The following DUSP5 variants were observed in gnomAD, a reference collection of about 807,000 sequenced individuals.
The protein encoded by DUSP5 is dual specificity phosphatase 5, also known as dual specificity protein phosphatase 5.
Under a neutral mutation model 33.6 loss-of-function variants are expected in DUSP5, and 22 were observed. The observed-to-expected ratio is 0.66, with a 90% confidence interval of 0.47 to 0.94. The LOEUF (loss-of-function observed/expected upper bound fraction) is 0.94, where lower values mean the gene tolerates loss of function less well. DUSP5 is among the 40% of genes least tolerant of loss of function. DUSP5 has a pLI of 0.00. For synonymous variants in DUSP5, 270 were observed against 231.1 expected (o/e 1.17, Z -1.53); for missense variants, 551 against 522.1 (o/e 1.06, Z -0.54).
At chr10:110,505,437 C>G (rs1428013739) in intron 2 of DUSP5, among the ~76,000 whole-genome samples, 2 of 152,200 alleles carry the variant, frequency 1.3e-5, no homozygotes, top group African/African-American at 4.8e-5. Context: ...TTGTTATTAC[C>G]GTATGTAAAA....
rs867741891 is a variant in DUSP5, at chr10:110,498,261, T to C, written c.140T>C (p.Leu47Pro). ...GTGCGCGGCTCGCTCAACGTCAACC[T>C]CAACTCGGTGGTGCTGCGGCGGGCC... is the stretch of plus-strand genomic sequence containing the variant. ...SNVRGSLNVN[L>P]NSVVLRRARG... The change falls in exon 1 of 4, where the codon CTC becomes CCC. Residue 47 changes from leucine (L) to proline (P), a missense_variant. This residue lies in a region of DUSP5 where 381 missense variants were observed against 310.4 expected (regional missense o/e 1.23). Coordinates refer to ENST00000369583, the MANE Select transcript of DUSP5 (RefSeq NM_004419.4). The C allele has an allele frequency of 1.0e-5, 15 of 1,496,602 alleles. No homozygotes were observed. Among genetic ancestry groups the C allele is most frequent in the Non-Finnish European group, 1.3e-5 (15 of 1,120,848 alleles). The allele number at this position is 1,496,602 out of a possible 1,614,324, so 92.7% of individuals were successfully genotyped here.
At position 110,498,374 on chromosome 10, in the gene DUSP5, G is replaced by C; in HGVS notation, c.253G>C (p.Ala85Pro). Reference protein sequence around the residue: ...LLQEGGGGVAAVVVLDQGSRH... With the variant: ...LLQEGGGGVAPVVVLDQGSRH... Reference sequence around the variant, plus strand: ...GCAGGAGGGCGGCGGCGGCGTCGCGGCCGTGGTGGTGCTGGACCAGGGCAG... The same window carrying C: ...GCAGGAGGGCGGCGGCGGCGTCGCGCCCGTGGTGGTGCTGGACCAGGGCAG... Residue 85 changes from alanine to proline, a missense_variant, in exon 1 of 4, where the codon GCC becomes CCC. Transcript: ENST00000369583. 2 of 1,430,374 alleles carry C rather than the reference G, an allele frequency of 1.4e-6. No homozygotes were observed. The highest frequency in any genetic ancestry group is 1.8e-6 in the Non-Finnish European group (2 of 1,091,920). 88.6% of individuals were successfully genotyped at this position (1,430,374 alleles called of 1,614,324 possible). A position where few individuals can be genotyped will look rare whatever the true frequency, so the allele number is the denominator to read the frequency against.
Position 110,498,238 on chromosome 10 carries a change from G to T in DUSP5, c.117G>T (p.Val39=). 2.0e-6 allele frequency: 3 copies of T among 1,507,244 alleles called. No homozygotes were observed. The highest frequency in any genetic ancestry group is 2.7e-6 in the Non-Finnish European group (3 of 1,126,762). The allele number at this position is 1,507,244 out of a possible 1,614,324, so 93.4% of individuals were successfully genotyped here. Residue 39 remains valine, a synonymous_variant, in exon 1 of 4, where the codon GTG becomes GTT. Transcript: ENST00000369583. ...RPYLAFAASN[V]RGSLNVNLNS... is the part of the protein sequence containing the mutation. Reference sequence around the variant, plus strand: ...ATCTGGCCTTCGCTGCCTCGAACGTGCGCGGCTCGCTCAACGTCAACCTCA... The same window carrying T: ...ATCTGGCCTTCGCTGCCTCGAACGTTCGCGGCTCGCTCAACGTCAACCTCA...
chr10:110,508,171 C>G (rs971019575), intron 3 of DUSP5, among the ~76,000 whole-genome samples: 3 of 152,138 alleles, frequency 2.0e-5, no homozygotes, highest in Non-Finnish European at 4.4e-5. Flanking sequence ...GAAACCCTGA[C>G]GAGAAACTCA....
In DUSP5 at chr10:110,510,311, C is replaced by T. The variant is rs765477721; in HGVS notation, c.1040C>T (p.Pro347Leu). 1 of 1,614,226 alleles carries T rather than the reference C, an allele frequency of 6.2e-7. No homozygotes were observed. ...ATAGGCCATTTGCAGACACTGAGCC[C>T]TGACATGCAGGGTGCCTACTGCACA... Reference protein sequence around the residue: ...SLIGHLQTLSPDMQGAYCTFP... With the variant: ...SLIGHLQTLSLDMQGAYCTFP... Residue 347 changes from proline to leucine, a missense_variant, in exon 4 of 4, where the codon CCT becomes CTT. Coordinates refer to ENST00000369583, the MANE Select transcript of DUSP5 (RefSeq NM_004419.4).
Position 110,502,856 on chromosome 10 carries a change from C to T in DUSP5, c.515C>T (p.Pro172Leu), listed in dbSNP as rs368671815. ...GKPVVNVSYRPAYDQGGPVEI... is the reference protein window; with the variant it reads ...GKPVVNVSYRLAYDQGGPVEI... ...CCAGTGGTAAATGTCAGCTACAGGC[C>T]AGCTTATGACCAGGTACGTGATGTG... Residue 172 changes from proline to leucine, a missense_variant, in exon 2 of 4, where the codon CCA becomes CTA. Pro to Leu is a moderately conservative substitution (Grantham distance 98). Around this residue, in one of 3 missense-constraint regions of DUSP5, gnomAD observed 381 missense variants for 310.4 expected, o/e 1.23. Coordinates refer to ENST00000369583, the MANE Select transcript of DUSP5 (RefSeq NM_004419.4). 6.2e-7 allele frequency: 1 copy of T among 1,614,010 alleles called. No individual in the cohort carries two copies. Among genetic ancestry groups the T allele is most frequent in the Non-Finnish European group, 8.5e-7 (1 of 1,180,030 alleles).
intron 3 of DUSP5, among the ~76,000 whole-genome samples, 200 bp from the exon 4 acceptor site, chr10:110,509,820 G>A (rs984469121): frequency 1.1e-4 from 17 of 152,184 alleles, no homozygotes; most frequent in African/African-American, 3.4e-4. Context: ...CCTACTTGGG[G>A]ATAGTCTTTG....
At chr10:110,498,771 T>C (rs1011318354) in intron 1 of DUSP5, among the ~76,000 whole-genome samples, 6 of 152,018 alleles carry the variant, frequency 3.9e-5, no homozygotes, top group Admixed American at 6.5e-5. Flanking sequence ...TGCTGCTGTT[T>C]AGCAGTTTGG....
chr10:110,506,355 G>C (rs1353614421), intron 2 of DUSP5, among the ~76,000 whole-genome samples: 1 of 152,256 alleles, frequency 6.6e-6, no homozygotes, highest in East Asian at 1.9e-4. Flanking sequence ...TCTCTTCAGC[G>C]TAGGAATTCA....
In DUSP5 at chr10:110,506,987, C is replaced by T; in HGVS notation, c.581C>T (p.Ala194Val). ...CTCTACCTTGGAAGTGCCTACCATG[C>T]ATCCAAGTGCGAGTTCCTCGCCAAC... is the stretch of plus-strand genomic sequence containing the variant. ...PFLYLGSAYHASKCEFLANLH... is the reference protein window; with the variant it reads ...PFLYLGSAYHVSKCEFLANLH... Residue 194 changes from alanine (A) to valine (V), a missense_variant, in exon 3 of 4, where the codon GCA (alanine) becomes GTA (valine). Physicochemically the swap from Ala to Val is moderately conservative, Grantham distance 64 (BLOSUM62 0). Transcript: ENST00000369583. 1 of 1,614,278 alleles carries T rather than the reference C, an allele frequency of 6.2e-7. No homozygotes were observed. The highest frequency in any genetic ancestry group is 8.5e-7 in the Non-Finnish European group (1 of 1,180,050).
chr10:110,500,202 T>C (rs531165458), intron 1 of DUSP5, among the ~76,000 whole-genome samples: 2 of 152,328 alleles, frequency 1.3e-5, no homozygotes, highest in South Asian at 4.1e-4. Context: ...CTCTTGTATC[T>C]ATCTAGATCT....
intron 2 of DUSP5, among the ~76,000 whole-genome samples, chr10:110,506,324 C>T (rs188716957): frequency 8.0e-4 from 122 of 152,158 alleles, no homozygotes; most frequent in African/African-American, 2.8e-3. Flanking sequence ...CCCAGCTACT[C>T]GGGAGACTGA....
chr10:110,510,616 G>A lies in DUSP5; in HGVS notation c.*190G>A. 2.6e-6 allele frequency: 2 copies of A among 762,030 alleles called. No homozygotes were observed. Among genetic ancestry groups the A allele is most frequent in the South Asian group, 2.1e-5 (1 of 48,470 alleles). The allele number at this position is 762,030 out of a possible 1,614,324, so 47.2% of individuals were successfully genotyped here. On this transcript the variant is annotated 3_prime_UTR_variant, in exon 4 of 4. Transcript: ENST00000369583. Reference sequence around the variant, plus strand: ...CTCAGGGTAGGTTCTCGGGACTGAAGGAAGGCCAAGCCATTACGGGAGCAC... The same window carrying A: ...CTCAGGGTAGGTTCTCGGGACTGAAAGAAGGCCAAGCCATTACGGGAGCAC...
At chr10:110,504,114 G>T (rs560445014) in intron 2 of DUSP5, among the ~76,000 whole-genome samples, 1 of 152,336 alleles carries the variant, frequency 6.6e-6, no homozygotes, top group East Asian at 1.9e-4. Flanking sequence ...GGCCTAGCTA[G>T]ATTTCTACTT....
intron 2 of DUSP5, among the ~76,000 whole-genome samples, chr10:110,503,230 G>A (rs1860078653): frequency 6.6e-6 from 1 of 152,248 alleles, no homozygotes; most frequent in Non-Finnish European, 1.5e-5. Flanking sequence ...ACATTTCAGA[G>A]TTGACTTTCA....
intron 2 of DUSP5, among the ~76,000 whole-genome samples, chr10:110,505,319 A>T (rs1449237931): frequency 6.6e-5 from 10 of 152,242 alleles, no homozygotes; most frequent in Non-Finnish European, 1.5e-4. Flanking sequence ...GTAAAATGGG[A>T]ATAATGTTAC....
At chr10:110,506,856 A>T (rs1860124652) in intron 2 of DUSP5, 79 bp from the exon 3 acceptor site, 2 of 1,437,310 alleles carry the variant, frequency 1.4e-6, no homozygotes, top group Non-Finnish European at 1.9e-6. Context: ...AGAAACAAAT[A>T]GGTCGGAGTT....
At chr10:110,503,778 T>G (rs1860086222) in intron 2 of DUSP5, among the ~76,000 whole-genome samples, 1 of 152,260 alleles carries the variant, frequency 6.6e-6, no homozygotes, top group South Asian at 2.1e-4. Context: ...TTTCAGGACC[T>G]TGTTCTGTTT....
intron 3 of DUSP5, among the ~76,000 whole-genome samples, chr10:110,507,388 T>C (rs1860131927): frequency 6.6e-6 from 1 of 152,246 alleles, no homozygotes; most frequent in South Asian, 2.1e-4. Context: ...TATAATTTTA[T>C]GGCAGTACTC....
Sources: gnomAD v4.1 joint callset for allele counts (sites outside exome capture counted in the v4.1 genomes callset) on GRCh38, gnomAD v4.1.1 for gene constraint, gnomAD v4.1.1 regional missense constraint, MANE v1.5 for transcripts, NCBI Gene and HGNC (gene_info 2026-07-23, HGNC 2026-07-21) for gene names.